CSMD1: variants seen among roughly 807,000 people sequenced by gnomAD.
The protein encoded by CSMD1 is CUB and Sushi multiple domains 1, also known as CUB and sushi domain-containing protein 1.
CSMD1 carries 213 observed loss-of-function variants against 417.5 expected under a neutral mutation model. The ratio of observed to expected loss-of-function variants is 0.51; its 90% CI spans 0.46 to 0.57. The LOEUF is 0.57. Ranked by LOEUF, CSMD1 falls within the 20% of genes least tolerant of loss-of-function variation. The pLI, the probability that CSMD1 is intolerant of heterozygous loss-of-function variation, is 0.00. For missense variants in CSMD1, 6,923 were observed against 4,529.7 expected (o/e 1.53, Z -15.17); for synonymous variants, 2,862 against 1,736.8 (o/e 1.65, Z -16.11).
intron 7 of CSMD1, among the ~76,000 whole-genome samples, chr8:3,659,009 G>C (rs995657544): frequency 6.6e-6 from 1 of 152,092 alleles, no homozygotes; most frequent in Non-Finnish European, 1.5e-5. Flanking sequence ...AATACTTCTA[G>C]GTCCTCAGAG....
At chr8:3,301,495 C>A (rs569387470) in intron 25 of CSMD1, among the ~76,000 whole-genome samples, 1 of 152,202 alleles carries the variant, frequency 6.6e-6, no homozygotes, top group Admixed American at 6.5e-5. Flanking sequence ...GGGAACAACA[C>A]AGAATATTTC....
intron 3 of CSMD1, among the ~76,000 whole-genome samples, chr8:4,301,997 C>T (rs34048256): frequency 4.7e-4 from 72 of 152,146 alleles, no homozygotes; most frequent in African/African-American, 1.6e-3. Context: ...TATGTTAGAA[C>T]AAGTTAATAT....
At chr8:4,765,902 C>G (rs953937962) in intron 1 of CSMD1, among the ~76,000 whole-genome samples, 1 of 152,174 alleles carries the variant, frequency 6.6e-6, no homozygotes, top group African/African-American at 2.4e-5. Flanking sequence ...ACATTTATAT[C>G]ATTAAATGCC....
chr8:4,009,314 G>A (rs142654418), intron 4 of CSMD1, among the ~76,000 whole-genome samples: 1 of 151,990 alleles, frequency 6.6e-6, no homozygotes, highest in Non-Finnish European at 1.5e-5. Context: ...CCCTTTTGTG[G>A]GTATAAAACT....
intron 10 of CSMD1, among the ~76,000 whole-genome samples, chr8:3,496,069 C>A (rs1209480996): frequency 6.6e-6 from 1 of 152,146 alleles, no homozygotes; most frequent in Non-Finnish European, 1.5e-5. Context: ...ACCAATGTTC[C>A]CGAAATAGGC....
At chr8:2,995,708 T>C (rs371111780) in intron 54 of CSMD1, among the ~76,000 whole-genome samples, 165 of 152,224 alleles carry the variant, frequency 1.1e-3, no homozygotes, top group African/African-American at 3.6e-3. Flanking sequence ...GAAATGCTAC[T>C]CCACAGGAAA....
At chr8:3,612,324 G>A (rs894701385) in intron 8 of CSMD1, among the ~76,000 whole-genome samples, 21 of 152,092 alleles carry the variant, frequency 1.4e-4, no homozygotes, top group African/African-American at 3.9e-4. Context: ...TGATAAAGCT[G>A]CAATGAGAAA....
At chr8:3,102,127 AAGAC>A (rs1246815925) in intron 46 of CSMD1, among the ~76,000 whole-genome samples, 2 of 152,198 alleles carry the variant, frequency 1.3e-5, no homozygotes, top group African/African-American at 4.8e-5. Context: ...ACATTTGAAG[AAGAC>A]AGACTAATAG....
intron 1 of CSMD1, among the ~76,000 whole-genome samples, chr8:4,799,770 G>A (rs1798177914): frequency 6.6e-6 from 1 of 151,730 alleles, no homozygotes; most frequent in Non-Finnish European, 1.5e-5. Context: ...GAAATTTTAC[G>A]TATAGGAATG....
chr8:4,949,733 A>G (rs1440380316), intron 1 of CSMD1, among the ~76,000 whole-genome samples: 1 of 152,206 alleles, frequency 6.6e-6, no homozygotes, highest in East Asian at 1.9e-4. Flanking sequence ...TTTTCTAAAA[A>G]TGTATTAATT....
chr8:4,322,270 A>C (rs112130483), intron 3 of CSMD1, among the ~76,000 whole-genome samples: 1 of 152,226 alleles, frequency 6.6e-6, no homozygotes, highest in South Asian at 2.1e-4. Context: ...TAGTTTAAAC[A>C]TAAGTGAGAC....
intron 1 of CSMD1, among the ~76,000 whole-genome samples, chr8:4,827,162 A>C (rs540300891): frequency 6.6e-6 from 1 of 152,186 alleles, no homozygotes; most frequent in African/African-American, 2.4e-5. Context: ...CAGGTATACT[A>C]GCAAAGTTTT....
At chr8:3,205,337 T>G (rs1258110750) in intron 31 of CSMD1, among the ~76,000 whole-genome samples, 167 bp downstream of exon 31, 1 of 152,210 alleles carries the variant, frequency 6.6e-6, no homozygotes, top group Non-Finnish European at 1.5e-5. Context: ...AGGACTGTAA[T>G]GGACATTGTG....
At chr8:4,079,294 C>T (rs970356206) in intron 3 of CSMD1, among the ~76,000 whole-genome samples, 1 of 152,106 alleles carries the variant, frequency 6.6e-6, no homozygotes, top group Non-Finnish European at 1.5e-5. Context: ...GTACCATGAG[C>T]AGATAAACAA....
chr8:4,504,610 G>C (rs988135608), intron 2 of CSMD1, among the ~76,000 whole-genome samples: 2 of 152,026 alleles, frequency 1.3e-5, no homozygotes, highest in Non-Finnish European at 2.9e-5. Context: ...TTAGGCATTT[G>C]TCCTAACGCT....
intron 1 of CSMD1, among the ~76,000 whole-genome samples, chr8:4,881,258 C>T (rs1172195314): frequency 2.6e-5 from 4 of 152,226 alleles, no homozygotes; most frequent in Middle Eastern, 3.4e-3. Context: ...TATGTGGTCT[C>T]TCTGTGACTT....
rs1203655317 is a variant in CSMD1 at position 4,265,578 on chromosome 8, T to C, written c.415+154375A>G. 2.7e-4 allele frequency among the ~76,000 whole-genome samples: 29 copies of C among 105,502 alleles called. 6 individuals are homozygous for C. The highest frequency in any genetic ancestry group is 7.0e-4 in the African/African-American group (27 of 38,650). 69.2% of individuals were successfully genotyped at this position (105,502 alleles called of 152,430 possible). On this transcript the variant is annotated intron_variant, in intron 3 of 69. Transcript: ENST00000635120. ...TCATATACTCCTATGTTTTATGCTA[T>C]ATTTTATGGAATACAAAACAAGGAT...
At chr8:4,727,838 A>T (rs570872622) in intron 1 of CSMD1, among the ~76,000 whole-genome samples, 87 of 150,044 alleles carry the variant, frequency 5.8e-4, no homozygotes, top group Non-Finnish European at 3.4e-4. Flanking sequence ...ATATATATCT[A>T]TTATATATAC....
chr8:3,556,341 T>A (rs560026749), intron 10 of CSMD1, among the ~76,000 whole-genome samples: 10 of 147,296 alleles, frequency 6.8e-5, no homozygotes, highest in African/African-American at 2.5e-4. Context: ...ATGAGTTCAA[T>A]TGATTTTATT....
Sources: allele counts gnomAD v4.1 joint callset (sites outside exome capture counted in the v4.1 genomes callset), GRCh38; gene constraint gnomAD v4.1.1; transcripts MANE v1.5; gene names NCBI Gene and HGNC (gene_info 2026-07-23, HGNC 2026-07-21).